Variants in DYNC2H1 observed in about 807,000 individuals in gnomAD.
DYNC2H1 encodes cytoplasmic dynein 2 heavy chain 1.
In DYNC2H1, 410 loss-of-function variants were observed where a neutral mutation model predicts 570.0. The observed-to-expected ratio is 0.72, with a 90% confidence interval of 0.66 to 0.78. The LOEUF is 0.78. Among genes scored for constraint, DYNC2H1 ranks in the 30% least tolerant of loss-of-function variants. DYNC2H1 has a pLI of 0.00. For synonymous variants in DYNC2H1, 1,688 were observed against 1,677.6 expected (o/e 1.01, Z -0.15); for missense variants, 4,865 against 5,046.4 (o/e 0.96, Z 1.09).
chr11:103,403,201 C>T (rs1942712579), intron 84 of DYNC2H1: 1 of 151,994 alleles, frequency 6.6e-6, no homozygotes. Context: ...ATGGTTAATA[C>T]TACTGCGGGT....
intron 20 of DYNC2H1, 94 bp downstream of exon 20, chr11:103,148,711 A>G: frequency 1.4e-6 from 2 of 1,417,502 alleles, no homozygotes; most frequent in East Asian, 2.5e-5. Context: ...ACAAATATAT[A>G]ATCTCAACAT....
rs1942380018 is a variant in DYNC2H1 at position 103,395,907 on chromosome 11, A to ATTACATAGAAGTGAAGGTATTTTTCCC, written c.12157-3753_12157-3727dup. ...ACTTGAGGGCAAAGGTAGAATTTCCATTACATAGAAGTGAAGGTATTTTTC... is the reference window on the plus strand; with the variant it reads ...ACTTGAGGGCAAAGGTAGAATTTCCATTACATAGAAGTGAAGGTATTTTTCCCTTACATAGAAGTGAAGGTATTTTTC... On this transcript the variant is annotated intron_variant, in intron 83 of 88. Transcript: ENST00000375735. The surrounding 1 kb of genome is among the most constrained non-coding windows in gnomAD (Gnocchi z 4.3). Among the ~76,000 whole-genome samples, 1 of 152,178 alleles carries ATTACATAGAAGTGAAGGTATTTTTCCC rather than the reference A, an allele frequency of 6.6e-6. No individual in the cohort carries two copies. The highest frequency in any genetic ancestry group is 1.9e-4 in the East Asian group (1 of 5,198).
At chr11:103,125,364 G>T in intron 12 of DYNC2H1, 69 bp downstream of exon 12, 7 of 994,526 alleles carry the variant, frequency 7.0e-6, no homozygotes, top group Non-Finnish European at 8.2e-6. Context: ...ATATGCTAAA[G>T]GCTTTTTTTT....
At chr11:103,385,320 C>T (rs887647166) in intron 83 of DYNC2H1, among the ~76,000 whole-genome samples, 1 of 152,060 alleles carries the variant, frequency 6.6e-6, no homozygotes, top group Non-Finnish European at 1.5e-5. Context: ...ACCTTTCTCT[C>T]TCTGTTCATC....
At chr11:103,292,793 T>G (rs963274693) in intron 75 of DYNC2H1, among the ~76,000 whole-genome samples, 2 of 152,236 alleles carry the variant, frequency 1.3e-5, no homozygotes, top group African/African-American at 2.4e-5. Context: ...TGCCTGCTTC[T>G]CCTTTGCCTT....
Position 103,115,251 on chromosome 11 carries a change from G to T in DYNC2H1, c.577G>T (p.Glu193Ter). ...AHRGNKQISKERANYFKELFE... is the reference protein window; with the variant it reads ...AHRGNKQISK ...CCGTGGAAATAAACAGATTAGTAAA[G>T]AAAGAGCCAATTATTTTAAAGAATT... The change falls in exon 4 of 89, where the codon GAA becomes TAA. Residue 193 changes from glutamate to a stop codon, truncating the protein, a stop_gained. Coordinates refer to ENST00000375735, the MANE Select transcript of DYNC2H1 (RefSeq NM_001377.3). LOFTEE classifies it high-confidence loss of function. The T allele has an allele frequency of 6.2e-7, 1 of 1,606,486 alleles. No homozygotes were observed. Among genetic ancestry groups the T allele is most frequent in the Non-Finnish European group, 8.5e-7 (1 of 1,176,262 alleles).
intron 82 of DYNC2H1, among the ~76,000 whole-genome samples, chr11:103,352,313 A>G (rs950668883): frequency 2.6e-5 from 4 of 152,146 alleles, no homozygotes; most frequent in South Asian, 2.1e-4. Context: ...TGTGTAATTT[A>G]TAAGTTTTAC....
At chr11:103,206,779 A>G (rs983395585) in intron 52 of DYNC2H1, among the ~76,000 whole-genome samples, 2 of 152,226 alleles carry the variant, frequency 1.3e-5, no homozygotes, top group Non-Finnish European at 2.9e-5. Context: ...AGTTGCAGTT[A>G]GTAATGGAAA....
chr11:103,458,798 A>T (rs1167161863), intron 87 of DYNC2H1, among the ~76,000 whole-genome samples: 1 of 151,960 alleles, frequency 6.6e-6, no homozygotes, highest in East Asian at 2.0e-4. Flanking sequence ...AGCCCCTCTT[A>T]CACTATCATT....
At chr11:103,282,053 G>GAA in intron 71 of DYNC2H1, 126 bp from the exon 72 acceptor site, 1 of 666,472 alleles carries the variant, frequency 1.5e-6, no homozygotes, top group South Asian at 1.9e-5. Context: ...TAGAAGAAGT[G>GAA]GTAAGATGGA....
chr11:103,455,343 T>A, intron 86 of DYNC2H1, 48 bp downstream of exon 86: 1 of 1,506,810 alleles, frequency 6.6e-7, no homozygotes. Context: ...CGGTAATTAG[T>A]TTTGCTTTAT....
chr11:103,128,508 T>G (rs1249837795), intron 12 of DYNC2H1, among the ~76,000 whole-genome samples: 1 of 152,200 alleles, frequency 6.6e-6, no homozygotes, highest in Non-Finnish European at 1.5e-5. Flanking sequence ...TCTCAAAGAA[T>G]TTTTGGTCTG....
intron 75 of DYNC2H1, among the ~76,000 whole-genome samples, chr11:103,288,684 T>TAAAAAAAAAAAAAAAAAAAAAAAAAAAAA (rs57040929): frequency 3.6e-4 from 10 of 27,912 alleles, no homozygotes; most frequent in Non-Finnish European, 5.4e-4. Context: ...CCGTCTCTAC[T>TAAAAAAAAAAAAAAAAAAAAAAAAAAAAA]AAAAAAAAAA....
chr11:103,351,117 G>A (rs1340353494), intron 82 of DYNC2H1, among the ~76,000 whole-genome samples: 2 of 151,968 alleles, frequency 1.3e-5, no homozygotes, highest in African/African-American at 4.8e-5. Flanking sequence ...TTCCTTTTTA[G>A]TTTCACTTAA....
At chr11:103,453,215 G>A (rs182303632) in intron 85 of DYNC2H1, among the ~76,000 whole-genome samples, 152 of 152,154 alleles carry the variant, frequency 1.0e-3, no homozygotes, top group African/African-American at 3.4e-3. Context: ...ATAACTTAGA[G>A]TGAAGTAAAG....
chr11:103,141,222 C>T (rs905218525), intron 17 of DYNC2H1, among the ~76,000 whole-genome samples: 16 of 152,202 alleles, frequency 1.1e-4, no homozygotes, highest in South Asian at 2.1e-4. Flanking sequence ...AGTCATTCTC[C>T]GTCCAGCTTT....
chr11:103,303,924 A>C (rs1867157835), intron 76 of DYNC2H1, among the ~76,000 whole-genome samples: 1 of 152,118 alleles, frequency 6.6e-6, no homozygotes, highest in South Asian at 2.1e-4. Context: ...GTTTATTTAC[A>C]CTTTATTTAC....
Position 103,256,154 on chromosome 11 carries a change from G to A in DYNC2H1, c.10375G>A (p.Glu3459Lys). The change falls in exon 68 of 89, where the codon GAG (glutamate) becomes AAG (lysine). Residue 3459 changes from glutamate to lysine, a missense_variant. This residue lies in a region of DYNC2H1 where 2,401 missense variants were observed against 2,454.6 expected (regional missense o/e 0.98). Transcript: ENST00000375735. The surrounding 1 kb of genome is among the most constrained non-coding windows in gnomAD (Gnocchi z 4.0). ...TATTTTGGAAAATAAGGATTTGATT[G>A]AGTCTTTGAATCAGACAAAAGCAAG... ...GNILENKDLI[E>K]SLNQTKASSA... 1.2e-6 allele frequency: 2 copies of A among 1,608,516 alleles called. No homozygotes were observed. The highest frequency in any genetic ancestry group is 1.7e-6 in the Non-Finnish European group (2 of 1,176,962).
At chr11:103,364,996 T>G (rs1940834320) in intron 83 of DYNC2H1, among the ~76,000 whole-genome samples, 1 of 152,216 alleles carries the variant, frequency 6.6e-6, no homozygotes, top group Non-Finnish European at 1.5e-5. Context: ...GACTCATGAC[T>G]TTTAATAAAA....
Sources: gnomAD v4.1 joint callset for allele counts (sites outside exome capture counted in the v4.1 genomes callset) on GRCh38, gnomAD v4.1.1 for gene constraint, gnomAD v4.1.1 regional missense constraint, Gnocchi (gnomAD v3.1) non-coding constraint, MANE v1.5 for transcripts, NCBI Gene and HGNC (gene_info 2026-07-23, HGNC 2026-07-21) for gene names.